GNAL: variants seen among roughly 807,000 people sequenced by gnomAD.
GNAL encodes guanine nucleotide-binding protein G(olf) subunit alpha.
In GNAL, 18 loss-of-function variants were observed where a neutral mutation model predicts 55.1. The observed-to-expected ratio is 0.33, with a 90% CI of 0.23 to 0.48. The LOEUF is 0.48. Among genes scored for constraint, GNAL ranks in the 20% least tolerant of loss-of-function variants. The pLI is 0.99. For missense variants in GNAL, 412 were observed against 614.1 expected (o/e 0.67, Z 3.48); for synonymous variants, 253 against 237.0 (o/e 1.07, Z -0.62).
intron 5 of GNAL, among the ~76,000 whole-genome samples, chr18:11,855,921 G>A (rs990609602): frequency 2.7e-5 from 4 of 150,854 alleles, no homozygotes; most frequent in Non-Finnish European, 4.4e-5. Flanking sequence ...GCGGTGAGCC[G>A]AGATCGCGCC....
At chr18:11,816,062 T>C (rs2034946815) in intron 4 of GNAL, among the ~76,000 whole-genome samples, 1 of 152,136 alleles carries the variant, frequency 6.6e-6, no homozygotes, top group Admixed American at 6.5e-5. Context: ...GAAAACAATT[T>C]GACAATTTTT....
chr18:11,884,782 T>TC lies in GNAL; in HGVS notation c.*3648dup. On this transcript the variant is annotated 3_prime_UTR_variant, in exon 12 of 12. Transcript: ENST00000334049. ...ACCTGAGACCAAGGGGGCCCAGCCT[T>TC]CTCCCTGCACAGCTCACCCCCGACC... 2 of 1,349,184 alleles carry TC rather than the reference T, an allele frequency of 1.5e-6. No homozygotes were observed. The allele number at this position is 1,349,184 out of a possible 1,614,324, so 83.6% of individuals were successfully genotyped here. A position where few individuals can be genotyped will look rare whatever the true frequency, so the allele number is the denominator to read the frequency against.
At chr18:11,723,062 T>C (rs1355644994) in intron 1 of GNAL, among the ~76,000 whole-genome samples, 1 of 146,488 alleles carries the variant, frequency 6.8e-6, no homozygotes, top group Non-Finnish European at 1.5e-5. Context: ...CACATGCCTG[T>C]AATCCCAGCT....
At chr18:11,821,571 G>A (rs1338456087) in intron 4 of GNAL, among the ~76,000 whole-genome samples, 1 of 152,216 alleles carries the variant, frequency 6.6e-6, no homozygotes. Flanking sequence ...ACTGTGACAT[G>A]CAGGAAATTA....
chr18:11,798,875 A>C (rs947374340), intron 4 of GNAL, among the ~76,000 whole-genome samples: 5 of 152,068 alleles, frequency 3.3e-5, no homozygotes, highest in Admixed American at 1.3e-4. Flanking sequence ...TAATCCAAGC[A>C]CTTTGGGAGG....
intron 4 of GNAL, among the ~76,000 whole-genome samples, chr18:11,759,993 G>A (rs890916222): frequency 6.6e-6 from 1 of 151,916 alleles, no homozygotes; most frequent in Non-Finnish European, 1.5e-5. Flanking sequence ...TGCACCCTGG[G>A]TGACCATTCC....
chr18:11,788,965 TAAAAA>T (rs199962963), intron 4 of GNAL, among the ~76,000 whole-genome samples: 1,717 of 143,274 alleles, frequency 0.012, 36 homozygotes, highest in African/African-American at 0.042. Context: ...TGTTTTTTCT[TAAAAA>T]TAGAATGTGT....
intron 4 of GNAL, among the ~76,000 whole-genome samples, chr18:11,819,025 C>T (rs939045492): frequency 6.6e-6 from 1 of 151,662 alleles, no homozygotes; most frequent in Non-Finnish European, 1.5e-5. Flanking sequence ...CGGCCTGACC[C>T]CACAGCCGCC....
At chr18:11,754,023 T>C in intron 4 of GNAL, 78 bp downstream of exon 4, 3 of 1,041,054 alleles carry the variant, frequency 2.9e-6, no homozygotes. Flanking sequence ...TGAGAATCAA[T>C]ATTGATACTA....
intron 4 of GNAL, among the ~76,000 whole-genome samples, chr18:11,822,830 T>TC (rs2035140031): frequency 1.3e-5 from 2 of 149,674 alleles, no homozygotes; most frequent in Non-Finnish European, 3.0e-5. Context: ...CTTTTTTTTT[T>TC]TTTTTTTTTG....
intron 1 of GNAL, among the ~76,000 whole-genome samples, chr18:11,721,861 G>A (rs985387291): frequency 6.6e-6 from 1 of 151,204 alleles, no homozygotes; most frequent in Non-Finnish European, 1.5e-5. Context: ...ACTCCAGCCT[G>A]GGAGACAAGA....
At chr18:11,732,096 G>A (rs930405040) in intron 1 of GNAL, among the ~76,000 whole-genome samples, 1 of 152,164 alleles carries the variant, frequency 6.6e-6, no homozygotes, top group Non-Finnish European at 1.5e-5. Context: ...GGACATTTGC[G>A]TGTTTCTGCT....
chr18:11,864,676 T>G (rs1156367261), intron 7 of GNAL, 70 bp downstream of exon 7: 3 of 851,256 alleles, frequency 3.5e-6, no homozygotes, highest in Non-Finnish European at 6.2e-6. Flanking sequence ...GCTGTGAGGT[T>G]TAAGGGGGCT....
intron 4 of GNAL, among the ~76,000 whole-genome samples, chr18:11,774,368 C>T (rs1348782274): frequency 2.0e-5 from 3 of 152,134 alleles, no homozygotes; most frequent in Non-Finnish European, 4.4e-5. Flanking sequence ...GTATTGTGGT[C>T]TGAAATAGTG....
At chr18:11,733,814 A>T (rs965036101) in intron 1 of GNAL, among the ~76,000 whole-genome samples, 10 of 151,264 alleles carry the variant, frequency 6.6e-5, no homozygotes, top group Admixed American at 1.3e-4. Context: ...AGTGATGCCT[A>T]CACTATGCTC....
chr18:11,730,880 G>C (rs2032324430), intron 1 of GNAL, among the ~76,000 whole-genome samples: 1 of 152,192 alleles, frequency 6.6e-6, no homozygotes, highest in Non-Finnish European at 1.5e-5. Context: ...TGGAAAGTAA[G>C]CCATGTCATA....
At chr18:11,696,504 C>CAAA (rs34232060) in intron 1 of GNAL, among the ~76,000 whole-genome samples, 2 of 121,768 alleles carry the variant, frequency 1.6e-5, no homozygotes, top group African/African-American at 2.7e-5. Flanking sequence ...GACTCCGCCT[C>CAAA]AAAAAAAAAA....
intron 4 of GNAL, among the ~76,000 whole-genome samples, chr18:11,800,725 G>A (rs1187998875): frequency 3.3e-5 from 5 of 152,208 alleles, no homozygotes; most frequent in Admixed American, 6.5e-5. Context: ...CTGTCATGTG[G>A]AAGGTGCTTT....
At chr18:11,797,823 A>C (rs1410707190) in intron 4 of GNAL, among the ~76,000 whole-genome samples, 1 of 151,804 alleles carries the variant, frequency 6.6e-6, no homozygotes. Context: ...TTTTCAAAAC[A>C]GGCCCACATG....
Sources: allele counts gnomAD v4.1 joint callset (sites outside exome capture counted in the v4.1 genomes callset), GRCh38; gene constraint gnomAD v4.1.1; transcripts MANE v1.5; gene names NCBI Gene and HGNC (gene_info 2026-07-23, HGNC 2026-07-21).